CHN2: variants seen among roughly 807,000 people sequenced by gnomAD.
CHN2 encodes beta-chimaerin.
Under a neutral mutation model 56.3 loss-of-function variants are expected in CHN2, and 35 were observed. The observed-to-expected ratio is 0.62, with a 90% CI of 0.47 to 0.82. The LOEUF (loss-of-function observed/expected upper bound fraction) is 0.82, where lower values mean the gene tolerates loss of function less well. CHN2 is among the 40% of genes least tolerant of loss of function. The probability of loss-of-function intolerance (pLI) is 0.00; values close to 1 mark genes in which losing one functional copy is unlikely to be tolerated. For missense variants in CHN2, 491 were observed against 580.5 expected (o/e 0.85, Z 1.58); for synonymous variants, 210 against 212.8 (o/e 0.99, Z 0.12).
intron 1 of CHN2, among the ~76,000 whole-genome samples, chr7:29,331,766 GAA>G (rs1796234331): frequency 6.6e-6 from 1 of 152,110 alleles, no homozygotes; most frequent in Non-Finnish European, 1.5e-5. Context: ...GTTCCCCTAA[GAA>G]ATACAATTTG....
chr7:29,306,304 A>G (rs889647783), intron 1 of CHN2, among the ~76,000 whole-genome samples: 1 of 152,200 alleles, frequency 6.6e-6, no homozygotes, highest in Non-Finnish European at 1.5e-5. Context: ...AACTGCAGTC[A>G]AGGTAAGCAT....
chr7:29,437,080 C>T (rs1783280434), intron 6 of CHN2, among the ~76,000 whole-genome samples: 1 of 151,998 alleles, frequency 6.6e-6, no homozygotes. Context: ...ATACTATTTC[C>T]TGCCAATGTC....
intron 1 of CHN2, among the ~76,000 whole-genome samples, chr7:29,316,752 C>A (rs2128891057): frequency 6.6e-6 from 1 of 151,828 alleles, no homozygotes. Context: ...TGGGATTATA[C>A]TTCTAATTTG....
chr7:29,146,632 C>G, exon 1 of CHN2: 1 of 1,550,590 alleles, frequency 6.4e-7, no homozygotes, highest in South Asian at 1.2e-5. Flanking sequence ...TCCCAACCTC[C>G]TGGTCCCAGA....
rs552989442 is a variant in CHN2 at position 29,441,767 on chromosome 7, T to A, written c.577-38512T>A. On this transcript the variant is annotated intron_variant, in intron 6 of 12. Transcript: ENST00000222792. ...CCCTAGGATGGCTATAATTTTTTTT[T>A]AAAAAAAGGAAAATAAGTATTGGTG... 1.5e-3 allele frequency among the ~76,000 whole-genome samples: 225 copies of A among 152,144 alleles called. 1 individual carries two copies. Among genetic ancestry groups the A allele is most frequent in the Middle Eastern group, 6.8e-3 (2 of 294 alleles).
At chr7:29,264,882 A>AC (rs1479741835) in intron 1 of CHN2, among the ~76,000 whole-genome samples, 12 of 150,792 alleles carry the variant, frequency 8.0e-5, no homozygotes, top group Admixed American at 2.6e-4. Flanking sequence ...CAAAAAAAAA[A>AC]AAACAAGTTA....
intron 1 of CHN2, among the ~76,000 whole-genome samples, chr7:29,347,524 G>A (rs768067251): frequency 6.6e-6 from 1 of 152,108 alleles, no homozygotes; most frequent in Non-Finnish European, 1.5e-5. Flanking sequence ...GAGAGAGAGA[G>A]CAAAGAAAGA....
At chr7:29,490,201 T>G (rs1788507757) in intron 7 of CHN2, among the ~76,000 whole-genome samples, 1 of 152,020 alleles carries the variant, frequency 6.6e-6, no homozygotes, top group Non-Finnish European at 1.5e-5. Context: ...TTATGCTGTT[T>G]TCTCTTCTGT....
intron 9 of CHN2, among the ~76,000 whole-genome samples, chr7:29,501,198 C>T (rs1789932992): frequency 6.6e-6 from 1 of 152,172 alleles, no homozygotes; most frequent in Admixed American, 6.5e-5. Context: ...ATTCCCTTTT[C>T]TATGGAGGGG....
At chr7:29,487,834 C>T (rs960655142) in intron 7 of CHN2, among the ~76,000 whole-genome samples, 1 of 152,150 alleles carries the variant, frequency 6.6e-6, no homozygotes, top group African/African-American at 2.4e-5. Flanking sequence ...GCCACCACAA[C>T]AAAGAGTTGT....
intron 9 of CHN2, among the ~76,000 whole-genome samples, chr7:29,502,044 C>T (rs1322273491): frequency 6.6e-6 from 1 of 152,170 alleles, no homozygotes; most frequent in Non-Finnish European, 1.5e-5. Context: ...GGACCGAGTA[C>T]AATGTCCAAT....
chr7:29,422,335 C>T (rs1295806930), intron 6 of CHN2, among the ~76,000 whole-genome samples: 1 of 152,182 alleles, frequency 6.6e-6, no homozygotes, highest in Non-Finnish European at 1.5e-5. Flanking sequence ...CAGCCGGCAC[C>T]CGCCAGGTGT....
intron 1 of CHN2, among the ~76,000 whole-genome samples, chr7:29,313,433 C>A (rs1035241787): frequency 8.5e-5 from 13 of 152,182 alleles, no homozygotes; most frequent in African/African-American, 2.9e-4. Flanking sequence ...GGCAGATGAT[C>A]TTCCTGATTG....
At chr7:29,255,179 T>C (rs1193224063) in intron 1 of CHN2, among the ~76,000 whole-genome samples, 1 of 152,158 alleles carries the variant, frequency 6.6e-6, no homozygotes, top group Non-Finnish European at 1.5e-5. Flanking sequence ...ACATGCCCGG[T>C]GGATTGTGTG....
intron 2 of CHN2, among the ~76,000 whole-genome samples, chr7:29,151,038 G>C (rs1793520744): frequency 6.6e-6 from 1 of 152,204 alleles, no homozygotes; most frequent in African/African-American, 2.4e-5. Flanking sequence ...GCTTCATTAA[G>C]TGAGAAGTAG....
chr7:29,478,698 G>T (rs569744584), intron 6 of CHN2, among the ~76,000 whole-genome samples: 1 of 152,238 alleles, frequency 6.6e-6, no homozygotes, highest in South Asian at 2.1e-4. Context: ...CAAAAGAATC[G>T]GGAATAAAAA....
chr7:29,290,281 C>A (rs1040212536), intron 1 of CHN2, among the ~76,000 whole-genome samples: 1 of 152,202 alleles, frequency 6.6e-6, no homozygotes, highest in African/African-American at 2.4e-5. Context: ...CTGAACAGTC[C>A]CTTTTGCTTT....
At chr7:29,329,832 A>G (rs1796086151) in intron 1 of CHN2, among the ~76,000 whole-genome samples, 1 of 152,230 alleles carries the variant, frequency 6.6e-6, no homozygotes, top group African/African-American at 2.4e-5. Context: ...TAACTCTTAA[A>G]ACAGGAACTG....
At chr7:29,384,351 A>G (rs999463733) in intron 3 of CHN2, among the ~76,000 whole-genome samples, 1 of 152,030 alleles carries the variant, frequency 6.6e-6, no homozygotes, top group Non-Finnish European at 1.5e-5. Context: ...TTTGGATCTC[A>G]TCTCCCTGCC....
Sources: gnomAD v4.1 joint callset for allele counts (sites outside exome capture counted in the v4.1 genomes callset) on GRCh38, gnomAD v4.1.1 for gene constraint, MANE v1.5 for transcripts, NCBI Gene and HGNC (gene_info 2026-07-23, HGNC 2026-07-21) for gene names.